Variants in PPP1R9A observed in about 807,000 individuals in gnomAD.
PPP1R9A encodes the protein neurabin-1.
PPP1R9A carries 59 observed loss-of-function variants against 141.9 expected under a neutral mutation model. The ratio of observed to expected loss-of-function variants is 0.42; its 90% confidence interval spans 0.34 to 0.52. PPP1R9A has a LOEUF of 0.52. PPP1R9A is among the 20% of genes least tolerant of loss of function. PPP1R9A has a pLI of 0.10. For synonymous variants in PPP1R9A, 500 were observed against 569.7 expected, an observed-to-expected ratio of 0.88 and a Z score of 1.74; for missense variants, 1,444 against 1,611.9, an observed-to-expected ratio of 0.90 and a Z score of 1.78.
At chr7:95,020,115 G>C (rs1805714010) in intron 2 of PPP1R9A, among the ~76,000 whole-genome samples, 1 of 151,946 alleles carries the variant, frequency 6.6e-6, no homozygotes, top group African/African-American at 2.4e-5. Flanking sequence ...CAGACCAATA[G>C]AGAAATATTT....
intron 2 of PPP1R9A, among the ~76,000 whole-genome samples, chr7:94,943,423 A>G (rs1326471446): frequency 6.6e-6 from 1 of 152,218 alleles, no homozygotes; most frequent in Non-Finnish European, 1.5e-5. Context: ...GTGCCATTTA[A>G]GCTCTGTAGA....
chr7:95,053,799 T>C (rs2152016665), intron 2 of PPP1R9A, among the ~76,000 whole-genome samples: 1 of 152,268 alleles, frequency 6.6e-6, no homozygotes, highest in Middle Eastern at 3.4e-3. Flanking sequence ...CAAACTTTGG[T>C]CTATTTGGGC....
At chr7:94,937,552 A>G (rs543619897) in intron 2 of PPP1R9A, among the ~76,000 whole-genome samples, 171 of 152,280 alleles carry the variant, frequency 1.1e-3, no homozygotes, top group African/African-American at 4.0e-3. Context: ...AGCTATCAAC[A>G]TATAGGTAAC....
At chr7:94,999,777 T>TTTTTTTAA (rs556826158) in intron 2 of PPP1R9A, among the ~76,000 whole-genome samples, 26 of 141,358 alleles carry the variant, frequency 1.8e-4, no homozygotes, top group African/African-American at 6.2e-4. Context: ...AGATATCTTA[T>TTTTTTTAA]TTTATTTATT....
chr7:95,209,336 G>A (rs1479065023), intron 7 of PPP1R9A, among the ~76,000 whole-genome samples: 1 of 152,126 alleles, frequency 6.6e-6, no homozygotes, highest in Non-Finnish European at 1.5e-5. Context: ...GAATATCATG[G>A]TACTTCTTTA....
chr7:95,191,365 T>G (rs1256589037), intron 5 of PPP1R9A, among the ~76,000 whole-genome samples: 4 of 152,212 alleles, frequency 2.6e-5, no homozygotes, highest in Non-Finnish European at 4.4e-5. Context: ...TGATTGCATA[T>G]ATTGAAGTGG....
intron 16 of PPP1R9A, among the ~76,000 whole-genome samples, chr7:95,281,864 G>T (rs1804295297): frequency 6.6e-6 from 1 of 152,136 alleles, no homozygotes; most frequent in African/African-American, 2.4e-5. Flanking sequence ...TGAAAATTGT[G>T]GATGAACTCA....
chr7:94,955,019 A>G (rs1304385650), intron 2 of PPP1R9A, among the ~76,000 whole-genome samples: 1 of 151,966 alleles, frequency 6.6e-6, no homozygotes, highest in Non-Finnish European at 1.5e-5. Flanking sequence ...AGATTTTTAA[A>G]AAAACTTTCT....
At chr7:94,988,705 G>A (rs1801142063) in intron 2 of PPP1R9A, among the ~76,000 whole-genome samples, 1 of 152,040 alleles carries the variant, frequency 6.6e-6, no homozygotes, top group African/African-American at 2.4e-5. Context: ...CAAAATATAT[G>A]TTGAGAGTAA....
chr7:95,273,991 G>C lies in PPP1R9A; in HGVS notation c.3212+5G>C. The C allele has an allele frequency of 6.7e-7, 1 of 1,503,168 alleles. No individual in the cohort carries two copies. The highest frequency in any genetic ancestry group is 9.1e-7 in the Non-Finnish European group (1 of 1,094,428). The allele number at this position is 1,503,168 out of a possible 1,614,324, so 93.1% of individuals were successfully genotyped here. On this transcript the variant is annotated splice_donor_5th_base_variant and intron_variant, in intron 15 of 19. Coordinates refer to ENST00000433360, the MANE Select transcript of PPP1R9A (RefSeq NM_001166160.2). ...GCGGAAGTTTGTGGATCTGGGGTAA[G>C]CACTTCACGATGTAAAAAGAAAGCC...
Position 95,183,062 on chromosome 7 carries a change from A to G in PPP1R9A, c.1755-15287A>G, listed in dbSNP as rs138280183. Among the ~76,000 whole-genome samples, 470 of 152,186 alleles carry G rather than the reference A, an allele frequency of 3.1e-3. 1 individual carries two copies. Among genetic ancestry groups the G allele is most frequent in the African/African-American group, 9.8e-3 (406 of 41,526 alleles). ...CCTGTTAAATAGTGTGTAGTTCTTGAAGTAGCATGTGTTAGGCAATTTTTT... is the reference window on the plus strand; with the variant it reads ...CCTGTTAAATAGTGTGTAGTTCTTGGAGTAGCATGTGTTAGGCAATTTTTT... On this transcript the variant is annotated intron_variant, in intron 5 of 19. Coordinates refer to ENST00000433360, the MANE Select transcript of PPP1R9A (RefSeq NM_001166160.2).
chr7:94,962,775 T>A (rs1797775883), intron 2 of PPP1R9A, among the ~76,000 whole-genome samples: 1 of 152,136 alleles, frequency 6.6e-6, no homozygotes, highest in South Asian at 2.1e-4. Context: ...TCTGAGTGAC[T>A]ACAGTGTCAT....
In PPP1R9A at chr7:95,148,261, C is replaced by A. The variant is rs574161676; in HGVS notation, c.1650-13606C>A. On this transcript the variant is annotated intron_variant, in intron 4 of 19. Coordinates refer to ENST00000433360, the MANE Select transcript of PPP1R9A (RefSeq NM_001166160.2). The stretch of plus-strand genomic sequence containing the variant: ...AAATCAGTAGAGAAAGTCAGTAACA[C>A]CAAAAGCTGGTTCTTAGCAAAGATC... Among the ~76,000 whole-genome samples, 4 of 152,148 alleles carry A rather than the reference C, an allele frequency of 2.6e-5. No homozygotes were observed. In the South Asian group the frequency reaches 8.3e-4, roughly 32 times the overall value.
In PPP1R9A at chr7:95,061,810, C is replaced by A. The variant is rs146998701; in HGVS notation, c.1396-49449C>A. Among the ~76,000 whole-genome samples, 886 of 152,126 alleles carry A rather than the reference C, an allele frequency of 5.8e-3. 58 individuals carry two copies. The South Asian group carries it at 0.13, about 22-fold the overall frequency. ...TAATACAGACTAATGTTAGTCTTAC[C>A]CAAGATACAATAAAACTTTATTAAC... is the stretch of plus-strand genomic sequence containing the variant. On this transcript the variant is annotated intron_variant, in intron 2 of 19. Coordinates refer to ENST00000433360, the MANE Select transcript of PPP1R9A (RefSeq NM_001166160.2).
At chr7:95,014,486 C>T (rs1804833948) in intron 2 of PPP1R9A, among the ~76,000 whole-genome samples, 2 of 151,904 alleles carry the variant, frequency 1.3e-5, no homozygotes, top group South Asian at 4.2e-4. Context: ...TCTGGAGACA[C>T]ATTATAAAGA....
At chr7:95,258,217 T>C (rs1204897727) in intron 12 of PPP1R9A, among the ~76,000 whole-genome samples, 1 of 152,122 alleles carries the variant, frequency 6.6e-6, no homozygotes, top group Admixed American at 6.5e-5. Context: ...TTCTAACTGG[T>C]GTGAGATGGT....
intron 2 of PPP1R9A, among the ~76,000 whole-genome samples, chr7:95,013,182 A>G (rs1451371482): frequency 6.6e-6 from 1 of 152,144 alleles, no homozygotes; most frequent in Non-Finnish European, 1.5e-5. Context: ...TTTTCACTGC[A>G]TAAGAAATTA....
intron 5 of PPP1R9A, among the ~76,000 whole-genome samples, chr7:95,176,180 C>A (rs1379232831): frequency 6.6e-6 from 1 of 152,092 alleles, no homozygotes; most frequent in Non-Finnish European, 1.5e-5. Flanking sequence ...CATCACAGGA[C>A]TCTGTGCACA....
intron 8 of PPP1R9A, among the ~76,000 whole-genome samples, chr7:95,242,851 A>C (rs911891490): frequency 4.6e-5 from 7 of 152,104 alleles, no homozygotes; most frequent in African/African-American, 1.7e-4. Flanking sequence ...TCTGAAGCCC[A>C]AAAACTCCAA....
Sources: gnomAD v4.1 joint callset for allele counts (sites outside exome capture counted in the v4.1 genomes callset) on GRCh38, gnomAD v4.1.1 for gene constraint, MANE v1.5 for transcripts, NCBI Gene and HGNC (gene_info 2026-07-23, HGNC 2026-07-21) for gene names.